MRTFA: variants seen among roughly 807,000 people sequenced by gnomAD.
MRTFA encodes myocardin related transcription factor A.
In MRTFA, 20 loss-of-function variants were observed where a neutral mutation model predicts 83.5. The observed-to-expected ratio is 0.24, with a 90% CI of 0.17 to 0.35. MRTFA has a LOEUF of 0.35. MRTFA is among the 10% of genes least tolerant of loss of function. The pLI is 1.00. For synonymous variants in MRTFA, 659 were observed against 541.2 expected (o/e 1.22, Z -3.02); for missense variants, 1,200 against 1,224.7 (o/e 0.98, Z 0.30).
At chr22:40,491,174 T>C (rs1263341542) in intron 3 of MRTFA, among the ~76,000 whole-genome samples, 1 of 152,142 alleles carries the variant, frequency 6.6e-6, no homozygotes, top group Non-Finnish European at 1.5e-5. Flanking sequence ...AAACCCCATC[T>C]CTACAAAAAA....
chr22:40,587,096 C>G, intron 2 of MRTFA: 1 of 451,542 alleles, frequency 2.2e-6, no homozygotes, highest in Non-Finnish European at 4.5e-6. Context: ...GATGAATCTT[C>G]CTGCAACGTG....
At chr22:40,634,937 G>A (rs1330238643) in intron 1 of MRTFA, among the ~76,000 whole-genome samples, 4 of 152,202 alleles carry the variant, frequency 2.6e-5, no homozygotes, top group Admixed American at 1.3e-4. Flanking sequence ...ACTTATTCAA[G>A]TGGATGTGAC....
At chr22:40,541,999 A>C (rs1267033806) in intron 3 of MRTFA, among the ~76,000 whole-genome samples, 2 of 146,496 alleles carry the variant, frequency 1.4e-5, no homozygotes, top group African/African-American at 5.1e-5. Flanking sequence ...TCACTTTTTA[A>C]AGATTTTTAT....
intron 2 of MRTFA, chr22:40,587,598 T>C: frequency 3.3e-6 from 1 of 304,788 alleles, no homozygotes; most frequent in Admixed American, 4.3e-5. Context: ...TGACCAGCAC[T>C]GGTAAGGCAG....
At chr22:40,470,343 A>T (rs1381009470) in intron 3 of MRTFA, among the ~76,000 whole-genome samples, 1 of 144,376 alleles carries the variant, frequency 6.9e-6, no homozygotes, top group East Asian at 2.0e-4. Flanking sequence ...GAAATTAAAG[A>T]GCACACCCTT....
intron 3 of MRTFA, among the ~76,000 whole-genome samples, chr22:40,541,514 C>T (rs1569320011): frequency 6.6e-6 from 1 of 152,296 alleles, no homozygotes; most frequent in Admixed American, 6.5e-5. Flanking sequence ...CAAGTTGCTA[C>T]AGGTCCTGAG....
intron 1 of MRTFA, among the ~76,000 whole-genome samples, chr22:40,615,686 C>CTTTT (rs59431175): frequency 3.5e-5 from 5 of 142,328 alleles, no homozygotes; most frequent in African/African-American, 5.2e-5. Context: ...ATTTTCTTTT[C>CTTTT]TTTTTTTTTT....
chr22:40,494,086 C>T (rs1250804053), intron 3 of MRTFA, among the ~76,000 whole-genome samples: 1 of 152,036 alleles, frequency 6.6e-6, no homozygotes, highest in Non-Finnish European at 1.5e-5. Flanking sequence ...TGTCTCTATG[C>T]CTATATGGTT....
intron 1 of MRTFA, among the ~76,000 whole-genome samples, chr22:40,595,159 C>T (rs1230316483): frequency 2.3e-5 from 3 of 130,942 alleles, no homozygotes; most frequent in Non-Finnish European, 3.1e-5. Context: ...CTCGCTCTGT[C>T]GCCGGGCTGG....
At chr22:40,452,683 C>T (rs1326910806) in intron 4 of MRTFA, among the ~76,000 whole-genome samples, 10 of 151,566 alleles carry the variant, frequency 6.6e-5, no homozygotes, top group African/African-American at 2.2e-4. Flanking sequence ...GGGTGGCAGG[C>T]GCCTGTAATC....
At chr22:40,497,166 AAAG>A (rs1221559034) in intron 3 of MRTFA, among the ~76,000 whole-genome samples, 3 of 152,208 alleles carry the variant, frequency 2.0e-5, no homozygotes, top group Non-Finnish European at 4.4e-5. Flanking sequence ...TGATGAGGAC[AAAG>A]AAGAGGGGAC....
Position 40,419,274 on chromosome 22 carries a change from T to A in MRTFA, c.1464A>T (p.Pro488=). Reference sequence around the variant, plus strand: ...TGGCGGCAGGGGCCTTGGGGGCTCCTGGCACAGGGCTGATTTGGTCTTGAT... The same window carrying A: ...TGGCGGCAGGGGCCTTGGGGGCTCCAGGCACAGGGCTGATTTGGTCTTGAT... The change falls in exon 12 of 15, where the codon CCA becomes CCT. Residue 488 remains proline, a synonymous_variant. Transcript: ENST00000355630. 1 of 1,613,592 alleles carries A rather than the reference T, an allele frequency of 6.2e-7. No homozygotes were observed. Among genetic ancestry groups the A allele is most frequent in the Non-Finnish European group, 8.5e-7 (1 of 1,179,858 alleles).
intron 3 of MRTFA, among the ~76,000 whole-genome samples, chr22:40,485,675 C>G (rs775493085): frequency 2.6e-5 from 4 of 152,096 alleles, no homozygotes; most frequent in Non-Finnish European, 5.9e-5. Context: ...TTTAGTCAAA[C>G]CTAAAAATGT....
intron 3 of MRTFA, among the ~76,000 whole-genome samples, chr22:40,525,366 C>G (rs1403698377): frequency 6.6e-6 from 1 of 151,844 alleles, no homozygotes; most frequent in Non-Finnish European, 1.5e-5. Flanking sequence ...CTATGTTGCC[C>G]AGGCTGGTCT....
rs554714028 is a variant in MRTFA at position 40,479,640 on chromosome 22, T to G, written c.242-16354A>C. On this transcript the variant is annotated intron_variant, in intron 3 of 14. Coordinates refer to ENST00000355630, the MANE Select transcript of MRTFA (RefSeq NM_020831.6). ...TGCCATCTCTTGGAGAGAAAGAAAT[T>G]ATCAATTCCTATAAATGATTCCTGT... 2.3e-4 allele frequency among the ~76,000 whole-genome samples: 35 copies of G among 152,296 alleles called. No individual in the cohort carries two copies. The South Asian group carries it at 6.8e-3, about 30-fold the overall frequency.
intron 1 of MRTFA, among the ~76,000 whole-genome samples, chr22:40,608,871 C>T (rs1484488199): frequency 6.6e-6 from 1 of 152,150 alleles, no homozygotes; most frequent in East Asian, 1.9e-4. Context: ...TATGTTATCC[C>T]TTATATATGA....
At chr22:40,523,364 A>G (rs1001336975) in intron 3 of MRTFA, 8 of 152,166 alleles carry the variant, frequency 5.3e-5, no homozygotes, top group African/African-American at 1.9e-4. Context: ...TTTTTGAGAT[A>G]GGGTCTCACT....
chr22:40,499,313 C>T (rs2054414946), intron 3 of MRTFA, among the ~76,000 whole-genome samples: 1 of 152,142 alleles, frequency 6.6e-6, no homozygotes, highest in Non-Finnish European at 1.5e-5. Context: ...TGTTCTGATT[C>T]TCTGACTAAT....
chr22:40,573,009 C>A (rs114168280), intron 2 of MRTFA, among the ~76,000 whole-genome samples: 4 of 151,952 alleles, frequency 2.6e-5, no homozygotes, highest in African/African-American at 4.8e-5. Context: ...CTGAAAGAAG[C>A]CAGACACAAA....
Sources: gnomAD v4.1 joint callset for allele counts (sites outside exome capture counted in the v4.1 genomes callset) on GRCh38, gnomAD v4.1.1 for gene constraint, MANE v1.5 for transcripts, NCBI Gene and HGNC (gene_info 2026-07-23, HGNC 2026-07-21) for gene names.